Variants in DEPDC5 observed in about 807,000 individuals in gnomAD.
DEPDC5 encodes DEP domain containing 5, GATOR1 subcomplex subunit, also known as GATOR1 complex protein DEPDC5.
A neutral mutation model predicts 217.3 loss-of-function variants in DEPDC5; 73 were observed. That is an observed-to-expected ratio of 0.34 (90% CI 0.28 to 0.41). The LOEUF is 0.41. Among genes scored for constraint, DEPDC5 ranks in the 10% least tolerant of loss-of-function variants. The pLI is 1.00. For synonymous variants in DEPDC5, 733 were observed against 756.7 expected (o/e 0.97, Z 0.51); for missense variants, 1,675 against 2,070.1 (o/e 0.81, Z 3.70).
At chr22:31,777,978 C>A in intron 7 of DEPDC5, 121 bp from the exon 8 acceptor site, 1 of 1,051,056 alleles carries the variant, frequency 9.5e-7, no homozygotes. Context: ...GAAGTCCTGA[C>A]CTCAGGTAAT....
chr22:31,855,236 A>G (rs1602448798), intron 31 of DEPDC5, among the ~76,000 whole-genome samples: 1 of 151,458 alleles, frequency 6.6e-6, no homozygotes, highest in Non-Finnish European at 1.5e-5. Flanking sequence ...GTCCTGGGAT[A>G]ACAGGTGTGA....
intron 33 of DEPDC5, among the ~76,000 whole-genome samples, chr22:31,867,141 C>G (rs534828252): frequency 6.6e-6 from 1 of 152,148 alleles, no homozygotes; most frequent in African/African-American, 2.4e-5. Context: ...CAGGAATCTA[C>G]GTGCGACATC....
intron 38 of DEPDC5, among the ~76,000 whole-genome samples, chr22:31,889,058 C>T (rs1217676886): frequency 1.3e-5 from 2 of 152,212 alleles, no homozygotes; most frequent in Admixed American, 1.3e-4. Flanking sequence ...GTATCACTCC[C>T]CTACCTGGGG....
In DEPDC5 at chr22:31,893,632, A is replaced by G; in HGVS notation, c.4084A>G (p.Asn1362Asp). The G allele has an allele frequency of 6.2e-7, 1 of 1,613,922 alleles. No individual in the cohort carries two copies. Among genetic ancestry groups the G allele is most frequent in the Non-Finnish European group, 8.5e-7 (1 of 1,179,936 alleles). Residue 1362 changes from asparagine to aspartate, a missense_variant, in exon 39 of 43, where the codon AAC (asparagine) becomes GAC (aspartate). By Grantham distance (23) the Asn-to-Asp change is conservative. Transcript: ENST00000651528. ...TGTGACCCTGGATGTTGACGTGAAC[A>G]ACCGCACAGACCGGCTGGAGTGGTG... ...RTVTLDVDVN[N>D]RTDRLEWCSC... is the part of the protein sequence containing the mutation.
chr22:31,829,161 C>T (rs1024691263), intron 24 of DEPDC5, among the ~76,000 whole-genome samples: 5 of 152,156 alleles, frequency 3.3e-5, no homozygotes, highest in Non-Finnish European at 7.3e-5. Flanking sequence ...ACATTATGGG[C>T]TAGATTACCA....
intron 7 of DEPDC5, among the ~76,000 whole-genome samples, chr22:31,773,554 A>G (rs1463063495): frequency 2.0e-5 from 3 of 152,158 alleles, no homozygotes; most frequent in African/African-American, 7.2e-5. Flanking sequence ...GCTTGGTTAA[A>G]TGTAAACTAC....
At chr22:31,798,928 C>A (rs1269522116) in intron 14 of DEPDC5, among the ~76,000 whole-genome samples, 1 of 151,900 alleles carries the variant, frequency 6.6e-6, no homozygotes, top group Non-Finnish European at 1.5e-5. Context: ...TATAACAAAG[C>A]AAAAAGTCAT....
chr22:31,814,866 T>G (rs1029463114), intron 20 of DEPDC5, 126 bp from the exon 21 acceptor site: 52 of 946,002 alleles, frequency 5.5e-5, no homozygotes, highest in Non-Finnish European at 8.0e-5. Context: ...TTCCCACTTG[T>G]AGATCACACT....
rs1435466182 is a variant in DEPDC5, at chr22:31,819,009, T to C, written c.1667-13T>C. 1.2e-6 allele frequency: 2 copies of C among 1,614,094 alleles called. No individual in the cohort carries two copies. The highest frequency in any genetic ancestry group is 1.7e-6 in the Non-Finnish European group (2 of 1,179,936). On this transcript the variant is annotated splice_polypyrimidine_tract_variant and intron_variant, in intron 21 of 42. Transcript: ENST00000651528. Reference sequence around the variant, plus strand: ...GGTTTTTCTTTGTGACTCAACTCCATGATAACTGGCAGATGTCCTGGAGAA... The same window carrying C: ...GGTTTTTCTTTGTGACTCAACTCCACGATAACTGGCAGATGTCCTGGAGAA...
chr22:31,864,623 T>C lies in DEPDC5; in HGVS notation c.3330+3190T>C, dbSNP rs140845088. 2.4e-4 allele frequency among the ~76,000 whole-genome samples: 36 copies of C among 151,358 alleles called. No homozygotes were observed. The East Asian group carries it at 6.4e-3, about 27-fold the overall frequency. ...GTTGTTCTGAGGATTAGAAATAATA[T>C]CCATTTCTCAGTCATGCGTGGTGGC... On this transcript the variant is annotated intron_variant, in intron 33 of 42. Coordinates refer to ENST00000651528, the MANE Select transcript of DEPDC5 (RefSeq NM_001242896.3).
intron 31 of DEPDC5, among the ~76,000 whole-genome samples, chr22:31,847,924 A>G (rs991299617): frequency 6.6e-6 from 1 of 152,220 alleles, no homozygotes; most frequent in Admixed American, 6.5e-5. Context: ...AAAGCAAGTT[A>G]GTTACTTCCT....
At chr22:31,818,077 GT>G (rs2089331732) in intron 21 of DEPDC5, among the ~76,000 whole-genome samples, 1 of 152,082 alleles carries the variant, frequency 6.6e-6, no homozygotes. Flanking sequence ...CATCTGGGTG[GT>G]TGCTTAATGA....
chr22:31,814,301 G>T (rs531472317), intron 20 of DEPDC5: 90 of 152,238 alleles, frequency 5.9e-4, no homozygotes, highest in African/African-American at 2.1e-3. Context: ...AGAACTAAAA[G>T]AAAACCCATC....
At chr22:31,757,893 A>G (rs1006012410) in intron 2 of DEPDC5, among the ~76,000 whole-genome samples, 1 of 151,970 alleles carries the variant, frequency 6.6e-6, no homozygotes, top group Admixed American at 6.6e-5. Flanking sequence ...GCTCCCAAGT[A>G]GCTGGGATTA....
chr22:31,770,715 TG>T (rs1249930391), intron 7 of DEPDC5, among the ~76,000 whole-genome samples: 1 of 151,620 alleles, frequency 6.6e-6, no homozygotes, highest in African/African-American at 2.4e-5. Context: ...AACTGACTTG[TG>T]GTGATCCTAA....
chr22:31,883,496 G>T (rs555995853), intron 38 of DEPDC5, among the ~76,000 whole-genome samples: 1 of 152,304 alleles, frequency 6.6e-6, no homozygotes, highest in East Asian at 1.9e-4. Flanking sequence ...GCCTGCTGTG[G>T]TGCGATGGTA....
chr22:31,817,455 C>T (rs747761663), intron 21 of DEPDC5: 2 of 480,176 alleles, frequency 4.2e-6, no homozygotes, highest in Non-Finnish European at 8.2e-6. Flanking sequence ...TATATGCATA[C>T]CCTTGATGGC....
intron 7 of DEPDC5, among the ~76,000 whole-genome samples, chr22:31,772,736 AT>A (rs905947119): frequency 6.0e-5 from 9 of 149,568 alleles, no homozygotes; most frequent in Admixed American, 3.3e-4. Context: ...GATCTCTCTC[AT>A]TTTTTTTTCT....
chr22:31,865,770 A>G (rs184503121), intron 33 of DEPDC5, among the ~76,000 whole-genome samples: 2 of 152,332 alleles, frequency 1.3e-5, no homozygotes, highest in Admixed American at 6.5e-5. Flanking sequence ...AATTTGGGAT[A>G]ATATTCCCCT....
Sources: gnomAD v4.1 joint callset for allele counts (sites outside exome capture counted in the v4.1 genomes callset) on GRCh38, gnomAD v4.1.1 for gene constraint, MANE v1.5 for transcripts, NCBI Gene and HGNC (gene_info 2026-07-23, HGNC 2026-07-21) for gene names.